The following ZNF713 variants were observed in gnomAD, a reference collection of about 807,000 sequenced individuals.
ZNF713 encodes zinc finger protein 713.
Under a neutral mutation model 28.7 loss-of-function variants are expected in ZNF713, and 21 were observed. The observed-to-expected ratio is 0.73, with a 90% CI of 0.52 to 1.05. The LOEUF (loss-of-function observed/expected upper bound fraction) is 1.05, where lower values mean the gene tolerates loss of function less well. Among genes scored for constraint, ZNF713 ranks in the 50% least tolerant of loss-of-function variants. ZNF713 has a pLI of 0.00. For synonymous variants in ZNF713, 167 were observed against 178.0 expected, an observed-to-expected ratio of 0.94 and a Z score of 0.49; for missense variants, 458 against 532.4, an observed-to-expected ratio of 0.86 and a Z score of 1.37.
In ZNF713 at chr7:55,939,361, T is replaced by C; in HGVS notation, c.687T>C (p.Tyr229=). The C allele has an allele frequency of 6.2e-7, 1 of 1,614,030 alleles. No individual in the cohort carries two copies. The highest frequency in any genetic ancestry group is 8.5e-7 in the Non-Finnish European group (1 of 1,180,016). Residue 229 remains tyrosine (Y), a synonymous_variant, in exon 7 of 7, where the codon TAT becomes TAC. Coordinates refer to ENST00000429591, the MANE Select transcript of ZNF713 (RefSeq NM_182633.3). ...NSDLIYYQGN[Y]VRETPYEYSE... is the part of the protein sequence containing the mutation. Reference sequence around the variant, plus strand: ...ACTTGATTTACTATCAGGGAAATTATGTAAGAGAGACTCCCTATGAATATA... The same window carrying C: ...ACTTGATTTACTATCAGGGAAATTACGTAAGAGAGACTCCCTATGAATATA...
chr7:55,912,376 A>G (rs1159379838), intron 3 of ZNF713, among the ~76,000 whole-genome samples: 1 of 152,074 alleles, frequency 6.6e-6, no homozygotes, highest in Non-Finnish European at 1.5e-5. Context: ...TTAAATTGCC[A>G]TCAGTATTTA....
rs1562731771 is a variant in ZNF713 at position 55,887,855 on chromosome 7, GGGCGGCGGGCGGC to G, written c.-583+184_-583+196del. Among the ~76,000 whole-genome samples the G allele has an allele frequency of 5.2e-3, 72 of 13,822 alleles. 21 individuals are homozygous for G. The highest frequency in any genetic ancestry group is 0.017 in the African/African-American group (36 of 2,134). 9.1% of individuals were successfully genotyped at this position (13,822 alleles called of 152,430 possible). ...GCGGGCGGCGGGCGGCGGCGGCGGC[GGGCGGCGGGCGGC>G]GGCGGCGGCGGCGGCGGCGGGCGGC... is the stretch of plus-strand genomic sequence containing the variant. On this transcript the variant is annotated intron_variant, in intron 1 of 6. Transcript: ENST00000429591.
chr7:55,895,071 G>A (rs1283242828), intron 1 of ZNF713, among the ~76,000 whole-genome samples: 1 of 152,144 alleles, frequency 6.6e-6, no homozygotes, highest in Non-Finnish European at 1.5e-5. Context: ...AAAGTAAAAT[G>A]AGGGTATTTC....
chr7:55,917,516 T>A (rs1785906784), intron 4 of ZNF713, among the ~76,000 whole-genome samples: 1 of 151,922 alleles, frequency 6.6e-6, no homozygotes, highest in African/African-American at 2.4e-5. Context: ...TGTGACCAAC[T>A]TGGTGCAACT....
chr7:55,899,436 G>A (rs867584326), intron 1 of ZNF713, among the ~76,000 whole-genome samples: 3 of 29,576 alleles, frequency 1.0e-4, no homozygotes, highest in Admixed American at 3.9e-4. Context: ...AGGCCGAGGG[G>A]GGGGGGGGGG....
At chr7:55,899,944 A>G (rs1785543195) in intron 1 of ZNF713, among the ~76,000 whole-genome samples, 1 of 151,746 alleles carries the variant, frequency 6.6e-6, no homozygotes, top group Non-Finnish European at 1.5e-5. Flanking sequence ...GGGCTTCACC[A>G]TGTTGGCCAG....
intron 1 of ZNF713, among the ~76,000 whole-genome samples, chr7:55,889,155 G>A (rs1785333319): frequency 2.7e-5 from 4 of 149,432 alleles, no homozygotes; most frequent in South Asian, 4.2e-4. Context: ...AGGCTGGAGT[G>A]CAATGGTGTG....
chr7:55,906,922 C>A (rs1216036725), intron 2 of ZNF713, among the ~76,000 whole-genome samples: 1 of 152,136 alleles, frequency 6.6e-6, no homozygotes, highest in Non-Finnish European at 1.5e-5. Flanking sequence ...AGGAGACCTA[C>A]TTTAGGTTTG....
chr7:55,919,070 A>G (rs1167386554), intron 4 of ZNF713, among the ~76,000 whole-genome samples: 4 of 152,198 alleles, frequency 2.6e-5, no homozygotes, highest in Non-Finnish European at 5.9e-5. Flanking sequence ...ATTCTCAAGT[A>G]GAAAATTGAA....
chr7:55,894,193 A>C (rs1785435686), intron 1 of ZNF713, among the ~76,000 whole-genome samples: 1 of 152,196 alleles, frequency 6.6e-6, no homozygotes, highest in Non-Finnish European at 1.5e-5. Context: ...CCATGGCCTC[A>C]GGCAAACAAA....
intron 2 of ZNF713, 25 bp downstream of exon 2, chr7:55,906,404 C>G (rs1049209727): frequency 1.1e-4 from 16 of 152,192 alleles, no homozygotes; most frequent in African/African-American, 3.9e-4. Flanking sequence ...ATTCAGACCT[C>G]CCATTATTTG....
intron 6 of ZNF713, among the ~76,000 whole-genome samples, chr7:55,933,532 G>C (rs1265887188): frequency 1.3e-5 from 2 of 151,920 alleles, no homozygotes; most frequent in African/African-American, 4.8e-5. Flanking sequence ...CCTGACCTCA[G>C]GTGATCCACC....
intron 1 of ZNF713, among the ~76,000 whole-genome samples, chr7:55,895,451 C>CT (rs55972416): frequency 8.0e-4 from 66 of 82,356 alleles, no homozygotes; most frequent in Non-Finnish European, 1.2e-3. Context: ...CTGTTATACT[C>CT]TTTTTTTTTT....
chr7:55,890,559 T>G (rs1338462619), intron 1 of ZNF713, among the ~76,000 whole-genome samples: 1 of 151,976 alleles, frequency 6.6e-6, no homozygotes, highest in Non-Finnish European at 1.5e-5. Flanking sequence ...TATAATTTAG[T>G]CCATAACAGT....
intron 1 of ZNF713, among the ~76,000 whole-genome samples, chr7:55,899,101 C>A (rs1023228293): frequency 3.9e-5 from 6 of 152,100 alleles, no homozygotes; most frequent in South Asian, 2.1e-4. Flanking sequence ...TGCCTGTAAT[C>A]CCAGCACTTT....
At chr7:55,899,425 G>A in intron 1 of ZNF713, among the ~76,000 whole-genome samples, 1 of 23,084 alleles carries the variant, frequency 4.3e-5, no homozygotes, top group African/African-American at 9.0e-5. Context: ...AGCACTTTGG[G>A]AGGCCGAGGG....
chr7:55,899,245 T>TG (rs1785526202), intron 1 of ZNF713, among the ~76,000 whole-genome samples: 2 of 145,068 alleles, frequency 1.4e-5, no homozygotes, highest in Admixed American at 1.4e-4. Context: ...CCCAGCTACT[T>TG]GGGAGGCTGA....
At chr7:55,906,799 A>G (rs1214120135) in intron 2 of ZNF713, among the ~76,000 whole-genome samples, 2 of 152,182 alleles carry the variant, frequency 1.3e-5, no homozygotes, top group South Asian at 2.1e-4. Context: ...CACCTAACAC[A>G]TGGTGGTCGT....
intron 2 of ZNF713, among the ~76,000 whole-genome samples, chr7:55,908,135 G>GTTTTTTTTTTTTT (rs71015120): frequency 1.8e-5 from 1 of 54,662 alleles, no homozygotes; most frequent in Non-Finnish European, 3.5e-5. Context: ...ATCCGTTGTT[G>GTTTTTTTTTTTTT]TTTTTTTTTT....
Sources: gnomAD v4.1 joint callset for allele counts (sites outside exome capture counted in the v4.1 genomes callset) on GRCh38, gnomAD v4.1.1 for gene constraint, MANE v1.5 for transcripts, NCBI Gene and HGNC (gene_info 2026-07-23, HGNC 2026-07-21) for gene names.